The following COX6C variants were observed in gnomAD, a reference collection of about 807,000 sequenced individuals.
COX6C encodes cytochrome c oxidase polypeptide VIc.
Under a neutral mutation model 6.9 loss-of-function variants are expected in COX6C, and 3 were observed. The ratio of observed to expected loss-of-function variants is 0.43; its 90% CI spans 0.20 to 1.12. The LOEUF is 1.12. Among genes scored for constraint, COX6C ranks in the 50% most tolerant of loss-of-function variants. COX6C has a pLI of 0.27. For missense variants in COX6C, 101 were observed against 97.3 expected (o/e 1.04, Z -0.16); for synonymous variants, 32 against 32.0 (o/e 1.00, Z 0.00).
rs1563528234 is a variant in COX6C at position 99,887,484 on chromosome 8, T to C, written c.*15+6A>G. 1 of 1,512,938 alleles carries C rather than the reference T, an allele frequency of 6.6e-7. No homozygotes were observed. Among genetic ancestry groups the C allele is most frequent in the Non-Finnish European group, 8.9e-7 (1 of 1,118,380 alleles). The allele number at this position is 1,512,938 out of a possible 1,614,324, so 93.7% of individuals were successfully genotyped here. On this transcript the variant is annotated splice_donor_region_variant and intron_variant, in intron 3 of 3. Transcript: ENST00000520468. The stretch of plus-strand genomic sequence containing the variant: ...TTTTTTAAGTAACTTCAAATAACCA[T>C]ATTACCTTTATATTCCAAGATTACT...
At chr8:99,880,512 G>A (rs1397807778) in intron 3 of COX6C, among the ~76,000 whole-genome samples, 1 of 152,072 alleles carries the variant, frequency 6.6e-6, no homozygotes, top group Non-Finnish European at 1.5e-5. Flanking sequence ...ATCACTAGAG[G>A]GATTTAACAG....
intron 2 of COX6C, among the ~76,000 whole-genome samples, chr8:99,888,479 G>C (rs929666927): frequency 6.6e-6 from 1 of 152,140 alleles, no homozygotes; most frequent in Non-Finnish European, 1.5e-5. Context: ...GCTGAGGCAG[G>C]AGAATTGCTT....
At chr8:99,891,838 T>A in intron 2 of COX6C, 70 bp downstream of exon 2, 1 of 1,376,944 alleles carries the variant, frequency 7.3e-7, no homozygotes, top group East Asian at 2.3e-5. Context: ...AGGGGGAGTT[T>A]CTTTAAAAGA....
chr8:99,878,305 C>T (rs1013666945), intron 3 of COX6C, 40 bp from the exon 4 acceptor site: 1 of 152,174 alleles, frequency 6.6e-6, no homozygotes. Context: ...GAGATAAACA[C>T]TCTCTCAATA....
chr8:99,888,008 G>A (rs972787607), intron 2 of COX6C, among the ~76,000 whole-genome samples: 6 of 149,888 alleles, frequency 4.0e-5, no homozygotes, highest in African/African-American at 7.4e-5. Context: ...GGAGAATGGC[G>A]TGAACCCGGG....
chr8:99,884,717 C>T (rs185568244), intron 3 of COX6C, among the ~76,000 whole-genome samples: 10 of 152,252 alleles, frequency 6.6e-5, no homozygotes, highest in African/African-American at 2.4e-4. Flanking sequence ...GTACCAAACC[C>T]TATACAGCTA....
intron 3 of COX6C, among the ~76,000 whole-genome samples, chr8:99,881,129 G>C (rs1226818740): frequency 1.3e-5 from 2 of 152,160 alleles, no homozygotes; most frequent in Non-Finnish European, 2.9e-5. Flanking sequence ...GGAGGCCCAG[G>C]CAGGCAAATC....
chr8:99,884,371 C>A (rs1817911950), intron 3 of COX6C, among the ~76,000 whole-genome samples: 1 of 152,040 alleles, frequency 6.6e-6, no homozygotes, highest in Non-Finnish European at 1.5e-5. Context: ...GAAAATAATT[C>A]TATTTATAAT....
chr8:99,879,231 G>A (rs1159450962), intron 3 of COX6C, among the ~76,000 whole-genome samples: 1 of 152,100 alleles, frequency 6.6e-6, no homozygotes, highest in Non-Finnish European at 1.5e-5. Flanking sequence ...TCCTTTTCTA[G>A]ATAATAGAAC....
chr8:99,892,698 TG>T (rs1818074207), intron 1 of COX6C, among the ~76,000 whole-genome samples: 1 of 149,028 alleles, frequency 6.7e-6, no homozygotes, highest in South Asian at 2.1e-4. Flanking sequence ...CCCCATATAC[TG>T]AGCGACCACC....
rs1428731706 is a variant in COX6C at position 99,878,062 on chromosome 8, C to T, written c.*219G>A. ...CAAAACACGGAAATCAAGTTAGCTT[C>T]ATAAACAGTTAAATCCCAAACCAAT... On this transcript the variant is annotated 3_prime_UTR_variant, in exon 4 of 4. Coordinates refer to ENST00000520468, the MANE Select transcript of COX6C (RefSeq NM_004374.4). The T allele has an allele frequency of 6.6e-6, 1 of 152,210 alleles. No homozygotes were observed. The allele number at this position is 152,210 out of a possible 1,614,324, so 9.4% of individuals were successfully genotyped here.
At chr8:99,882,296 GA>G (rs1323561135) in intron 3 of COX6C, among the ~76,000 whole-genome samples, 1 of 152,142 alleles carries the variant, frequency 6.6e-6, no homozygotes, top group African/African-American at 2.4e-5. Flanking sequence ...AGAGAACATG[GA>G]ACATTCTCCA....
intron 2 of COX6C, among the ~76,000 whole-genome samples, chr8:99,888,750 C>T (rs1369056828): frequency 2.6e-5 from 4 of 152,250 alleles, no homozygotes; most frequent in African/African-American, 9.6e-5. Context: ...AAAGGCCAGA[C>T]TGTTGGACCC....
chr8:99,884,955 A>T (rs1194586275), intron 3 of COX6C, among the ~76,000 whole-genome samples: 2 of 152,252 alleles, frequency 1.3e-5, no homozygotes, highest in Non-Finnish European at 2.9e-5. Context: ...ATCCCTATCA[A>T]AATCCCAATG....
chr8:99,879,139 TC>T (rs1817812767), intron 3 of COX6C, among the ~76,000 whole-genome samples: 1 of 152,218 alleles, frequency 6.6e-6, no homozygotes, highest in African/African-American at 2.4e-5. Flanking sequence ...CACATAAGAT[TC>T]CAGAGTAGGA....
At chr8:99,884,792 G>C (rs1315300814) in intron 3 of COX6C, among the ~76,000 whole-genome samples, 1 of 152,122 alleles carries the variant, frequency 6.6e-6, no homozygotes, top group Non-Finnish European at 1.5e-5. Context: ...CATAGTAAGA[G>C]AGTAGCAACA....
intron 2 of COX6C, among the ~76,000 whole-genome samples, chr8:99,890,298 C>T (rs1293787989): frequency 6.6e-6 from 1 of 152,078 alleles, no homozygotes; most frequent in African/African-American, 2.4e-5. Flanking sequence ...ATTCCACCTC[C>T]TCTATCAAAT....
Position 99,891,965 on chromosome 8 carries a change from C to A in COX6C, c.57G>T (p.Leu19=). 6.2e-7 allele frequency: 1 copy of A among 1,614,084 alleles called. No individual in the cohort carries two copies. Among genetic ancestry groups the A allele is most frequent in the Non-Finnish European group, 8.5e-7 (1 of 1,180,038 alleles). The change falls in exon 2 of 4, where the codon CTG becomes CTT. Residue 19 remains leucine (L), a synonymous_variant. Coordinates refer to ENST00000520468, the MANE Select transcript of COX6C (RefSeq NM_004374.4). ...CGAATGCTACAGCCATATGATTTCG[C>A]AGACGCCTGGCCAGAAGGCCACGCA... The part of the protein sequence containing the change: ...PRMRGLLARR[L]RNHMAVAFVL...
intron 3 of COX6C, among the ~76,000 whole-genome samples, chr8:99,880,451 C>A (rs1011924458): frequency 6.6e-6 from 1 of 152,128 alleles, no homozygotes; most frequent in African/African-American, 2.4e-5. Flanking sequence ...AAACCAAACA[C>A]ACTGTGGAGC....
Sources: gnomAD v4.1 joint callset for allele counts (sites outside exome capture counted in the v4.1 genomes callset) on GRCh38, gnomAD v4.1.1 for gene constraint, MANE v1.5 for transcripts, NCBI Gene and HGNC (gene_info 2026-07-23, HGNC 2026-07-21) for gene names.